The following LARGE1 variants were observed in gnomAD, a reference collection of about 807,000 sequenced individuals.
LARGE1 encodes the protein xylosyl- and glucuronyltransferase LARGE1.
LARGE1 carries 43 observed loss-of-function variants against 87.6 expected under a neutral mutation model. The ratio of observed to expected loss-of-function variants is 0.49; its 90% CI spans 0.38 to 0.63. The LOEUF is 0.63. Among genes scored for constraint, LARGE1 ranks in the 30% least tolerant of loss-of-function variants. The pLI, the probability that LARGE1 is intolerant of heterozygous loss-of-function variation, is 0.00. For synonymous variants in LARGE1, 434 were observed against 394.6 expected, an observed-to-expected ratio of 1.10 and a Z score of -1.18; for missense variants, 802 against 1,000.2, an observed-to-expected ratio of 0.80 and a Z score of 2.67.
At chr22:33,445,489 G>A (rs978198355) in intron 6 of LARGE1, among the ~76,000 whole-genome samples, 4 of 152,114 alleles carry the variant, frequency 2.6e-5, no homozygotes, top group South Asian at 2.1e-4. Context: ...GAGGAAGAGC[G>A]TTAAGACCTC....
chr22:33,501,975 C>T (rs996635120), intron 6 of LARGE1, among the ~76,000 whole-genome samples: 1 of 152,034 alleles, frequency 6.6e-6, no homozygotes, highest in Non-Finnish European at 1.5e-5. Flanking sequence ...GGCAGATCAC[C>T]TGAGGTCAGG....
At chr22:33,682,850 C>T (rs2081822240) in intron 2 of LARGE1, among the ~76,000 whole-genome samples, 1 of 152,200 alleles carries the variant, frequency 6.6e-6, no homozygotes, top group Non-Finnish European at 1.5e-5. Flanking sequence ...TTTTATTTTA[C>T]TGAGGCTCAG....
At chr22:33,918,771 C>T (rs553183797) in intron 1 of LARGE1, among the ~76,000 whole-genome samples, 1 of 152,296 alleles carries the variant, frequency 6.6e-6, no homozygotes, top group Admixed American at 6.5e-5. Flanking sequence ...CCCGAGGTGA[C>T]TGCCTCCACG....
At chr22:33,368,778 T>C (rs1166759899) in intron 9 of LARGE1, among the ~76,000 whole-genome samples, 3 of 152,144 alleles carry the variant, frequency 2.0e-5, no homozygotes, top group African/African-American at 7.2e-5. Context: ...TTCCGATACA[T>C]ATAAAAATTA....
At chr22:33,351,969 G>A (rs996003244) in intron 9 of LARGE1, among the ~76,000 whole-genome samples, 7 of 151,936 alleles carry the variant, frequency 4.6e-5, no homozygotes, top group Admixed American at 3.3e-4. Context: ...GATCTCTTGC[G>A]CTCATAATCC....
intron 1 of LARGE1, among the ~76,000 whole-genome samples, chr22:33,831,652 C>T (rs2062973231): frequency 6.6e-6 from 1 of 152,048 alleles, no homozygotes; most frequent in African/African-American, 2.4e-5. Flanking sequence ...GATAACTGGA[C>T]AAGAACTTGC....
At chr22:33,207,649 C>T (rs370333052) in intron 11 of LARGE1, among the ~76,000 whole-genome samples, 4 of 152,056 alleles carry the variant, frequency 2.6e-5, no homozygotes, top group Admixed American at 6.6e-5. Flanking sequence ...AGAGCGTCGG[C>T]GACCCCATTA....
intron 2 of LARGE1, among the ~76,000 whole-genome samples, chr22:33,670,090 C>G (rs1433916476): frequency 6.6e-6 from 1 of 152,104 alleles, no homozygotes; most frequent in African/African-American, 2.4e-5. Flanking sequence ...ACTTGTCAAC[C>G]TGTTTGTTTA....
chr22:33,372,531 G>C (rs1463256647), intron 9 of LARGE1, among the ~76,000 whole-genome samples: 5 of 152,160 alleles, frequency 3.3e-5, no homozygotes, highest in Middle Eastern at 3.2e-3. Flanking sequence ...GACAGAGTGA[G>C]AGCCAAGCAA....
chr22:33,216,327 G>T (rs1185915134), intron 11 of LARGE1, among the ~76,000 whole-genome samples: 2 of 151,994 alleles, frequency 1.3e-5, no homozygotes, highest in African/African-American at 4.8e-5. Flanking sequence ...TCTCTTGAGT[G>T]GATTAAAAAG....
intron 1 of LARGE1, among the ~76,000 whole-genome samples, chr22:33,810,881 G>A (rs936118105): frequency 8.5e-5 from 13 of 152,050 alleles, no homozygotes; most frequent in African/African-American, 2.4e-4. Context: ...GCGCCACCGT[G>A]CCTAGCTAAT....
chr22:33,167,153 G>C (rs577470115), intron 11 of LARGE1, among the ~76,000 whole-genome samples: 21 of 152,256 alleles, frequency 1.4e-4, no homozygotes, highest in African/African-American at 4.8e-4. Flanking sequence ...TTCCAGGAGA[G>C]GATGTCAGAA....
rs61443968 is a variant in LARGE1 at position 33,625,920 on chromosome 22, C to T, written c.491+324G>A. 2.3e-3 allele frequency among the ~76,000 whole-genome samples: 356 copies of T among 152,236 alleles called. 1 individual carries two copies. The highest frequency in any genetic ancestry group is 8.2e-3 in the African/African-American group (340 of 41,532). ...TAACTCAATCCATAACACAACCTAC[C>T]GACAAGGATGTATAACAACTGAGAT... On this transcript the variant is annotated intron_variant, in intron 4 of 14. Transcript: ENST00000397394.
chr22:33,683,937 G>C (rs2149312450), intron 2 of LARGE1, among the ~76,000 whole-genome samples: 1 of 152,266 alleles, frequency 6.6e-6, no homozygotes, highest in South Asian at 2.1e-4. Context: ...TCTGGTCCAT[G>C]GCAGCAATCT....
At chr22:33,559,731 A>C (rs1019960392) in intron 6 of LARGE1, among the ~76,000 whole-genome samples, 13 of 152,042 alleles carry the variant, frequency 8.6e-5, no homozygotes, top group African/African-American at 2.9e-4. Flanking sequence ...TATTCTCTGG[A>C]CATGCTGAGT....
Position 33,334,423 on chromosome 22 carries a change from CA to C in LARGE1, c.1287+3222del, listed in dbSNP as rs919216084. 7.8e-4 allele frequency among the ~76,000 whole-genome samples: 41 copies of C among 52,322 alleles called. 1 individual carries two copies. Among genetic ancestry groups the C allele is most frequent in the Non-Finnish European group, 8.7e-4 (25 of 28,624 alleles). 34.3% of individuals were successfully genotyped at this position (52,322 alleles called of 152,430 possible). A position where few individuals can be genotyped will look rare whatever the true frequency, so the allele number is the denominator to read the frequency against. ...AGACTCTGTCTCAAAAAAAAAAAAA[CA>C]AAAAAAAAAAACACCAAACAAAAAG... On this transcript the variant is annotated intron_variant, in intron 10 of 14. Transcript: ENST00000397394.
intron 11 of LARGE1, among the ~76,000 whole-genome samples, chr22:33,305,096 G>C (rs945738099): frequency 3.3e-5 from 5 of 152,144 alleles, no homozygotes; most frequent in African/African-American, 1.2e-4. Flanking sequence ...TGTTCAATCA[G>C]CTTGGCCTCT....
the LARGE1 span, chr22:33,137,370 A>T: frequency 1.4e-4 from 22 of 153,052 alleles, no homozygotes; most frequent in Non-Finnish European, 2.5e-4. Context: ...TAAGGAAGAA[A>T]TTTCTAAGCA....
intron 9 of LARGE1, among the ~76,000 whole-genome samples, chr22:33,373,588 A>G (rs1322930135): frequency 6.6e-6 from 1 of 152,096 alleles, no homozygotes; most frequent in East Asian, 1.9e-4. Flanking sequence ...TACCCTTGAG[A>G]AGGCCTGGGA....
Sources: gnomAD v4.1 joint callset for allele counts (sites outside exome capture counted in the v4.1 genomes callset) on GRCh38, gnomAD v4.1.1 for gene constraint, MANE v1.5 for transcripts, NCBI Gene and HGNC (gene_info 2026-07-23, HGNC 2026-07-21) for gene names.